BEST3: variants seen among roughly 807,000 people sequenced by gnomAD.
BEST3 encodes bestrophin 3, also known as bestrophin-3.
BEST3 carries 50 observed loss-of-function variants against 47.1 expected under a neutral mutation model. The ratio of observed to expected loss-of-function variants is 1.06; its 90% CI spans 0.85 to 1.34. BEST3 has a LOEUF of 1.34. Among genes scored for constraint, BEST3 ranks in the 40% most tolerant of loss-of-function variants. The pLI is 0.00. For missense variants in BEST3, 765 were observed against 817.0 expected (o/e 0.94, Z 0.78); for synonymous variants, 282 against 298.8 (o/e 0.94, Z 0.58).
chr12:69,654,734 G>A lies in BEST3; in HGVS notation c.*173C>T, dbSNP rs1000510682. The stretch of plus-strand genomic sequence containing the variant: ...ATGACGTGAATGCGTTTGATTTTTC[G>A]CAGCTCTCAAAAAGTCAGGATCATA... On this transcript the variant is annotated 3_prime_UTR_variant, in exon 10 of 10. Coordinates refer to ENST00000330891, the MANE Select transcript of BEST3 (RefSeq NM_032735.3). 3.4e-5 allele frequency: 45 copies of A among 1,341,664 alleles called. No individual in the cohort carries two copies. Among genetic ancestry groups the A allele is most frequent in the Non-Finnish European group, 4.0e-5 (42 of 1,047,334 alleles). The allele number at this position is 1,341,664 out of a possible 1,614,324, so 83.1% of individuals were successfully genotyped here. A position where few individuals can be genotyped will look rare whatever the true frequency, so the allele number is the denominator to read the frequency against.
At chr12:69,677,312 G>A in intron 5 of BEST3, 55 bp from the exon 6 acceptor site, 3 of 1,448,188 alleles carry the variant, frequency 2.1e-6, no homozygotes, top group Non-Finnish European at 2.9e-6. Flanking sequence ...GTGGTAATAA[G>A]TACTTACTGG....
chr12:69,683,150 A>G (rs968621445), intron 4 of BEST3: 4 of 152,248 alleles, frequency 2.6e-5, no homozygotes, highest in African/African-American at 9.6e-5. Context: ...TTCTAAGCAG[A>G]AAGCAAATAT....
Position 69,697,749 on chromosome 12 carries a change from A to C in BEST3, c.50T>G (p.Phe17Cys), listed in dbSNP as rs753214336. The C allele has an allele frequency of 6.2e-7, 1 of 1,613,220 alleles. No individual in the cohort carries two copies. Among genetic ancestry groups the C allele is most frequent in the East Asian group, 2.2e-5 (1 of 44,834 alleles). Reference protein sequence around the residue: ...SKVANATFFGFHRLLLKWRGS... With the variant: ...SKVANATFFGCHRLLLKWRGS... Reference sequence around the variant, plus strand: ...TCTCCACTTGAGGAGTAACCTATGAAATCCAAAAAAAGTTGCATTTGCTAC... The same window carrying C: ...TCTCCACTTGAGGAGTAACCTATGACATCCAAAAAAAGTTGCATTTGCTAC... Residue 17 changes from phenylalanine (F) to cysteine (C), a missense_variant, in exon 2 of 10, where the codon TTT becomes TGT. Phe to Cys is a radical substitution (Grantham distance 205). Coordinates refer to ENST00000330891, the MANE Select transcript of BEST3 (RefSeq NM_032735.3).
chr12:69,653,278 G>T (rs1883272636), downstream of BEST3, among the ~76,000 whole-genome samples: 1 of 152,206 alleles, frequency 6.6e-6, no homozygotes, highest in Admixed American at 6.5e-5. Flanking sequence ...ACCCAGAGAG[G>T]CCCTTGAGGC....
Position 69,663,018 on chromosome 12 carries a change from C to CCTAA in BEST3, c.1101-7206_1101-7205insTTAG, listed in dbSNP as rs772801146. Among the ~76,000 whole-genome samples, 116 of 152,276 alleles carry CCTAA rather than the reference C, an allele frequency of 7.6e-4. 1 individual carries two copies. The highest frequency in any genetic ancestry group is 1.8e-3 in the Admixed American group (28 of 15,284). ...GAATGGATAGTTTGTTAGGGTTTTTCCAAGGCCCTTAAGGGATTATCTTCT... is the reference window on the plus strand; with the variant it reads ...GAATGGATAGTTTGTTAGGGTTTTTCCTAACAAGGCCCTTAAGGGATTATCTTCT... On this transcript the variant is annotated intron_variant, in intron 9 of 9. Transcript: ENST00000330891.
At chr12:69,644,728 G>A (rs796538) in intron 9 of BEST3, among the ~76,000 whole-genome samples, 84,729 of 152,052 alleles carry the variant, frequency 0.56, 24,873 homozygotes, top group East Asian at 0.75. Flanking sequence ...TGTTAGGCAT[G>A]TAAGTACAGC....
At chr12:69,651,433 C>A (rs1565817742), downstream of BEST3, among the ~76,000 whole-genome samples, 1 of 152,146 alleles carries the variant, frequency 6.6e-6, no homozygotes, top group Non-Finnish European at 1.5e-5. Context: ...TCAGTAGATT[C>A]TCAGAGAGTA....
chr12:69,646,240 G>A (rs1406649417), intron 9 of BEST3, among the ~76,000 whole-genome samples: 1 of 152,120 alleles, frequency 6.6e-6, no homozygotes, highest in Non-Finnish European at 1.5e-5. Flanking sequence ...GCCTGGCCTT[G>A]AGAGGGATTT....
At chr12:69,676,785 G>T in intron 7 of BEST3, 131 bp downstream of exon 7, 1 of 990,120 alleles carries the variant, frequency 1.0e-6, no homozygotes, top group Non-Finnish European at 1.5e-6. Context: ...TAATAACATT[G>T]CTGAGCCATT....
chr12:69,692,175 AAACAAAAACAACAAC>A (rs771952704), intron 4 of BEST3, among the ~76,000 whole-genome samples: 8 of 152,346 alleles, frequency 5.3e-5, no homozygotes, highest in Admixed American at 1.3e-4. Context: ...TAAGAAGGCA[AAACAAAAACAACAAC>A]AACAAAAGAA....
chr12:69,691,165 G>A (rs531511942), intron 4 of BEST3, among the ~76,000 whole-genome samples: 49 of 152,314 alleles, frequency 3.2e-4, no homozygotes, highest in African/African-American at 1.2e-3. Context: ...TGTTGTTTGA[G>A]ATGTAATTTC....
At chr12:69,665,110 TA>T (rs1382699520) in intron 9 of BEST3, among the ~76,000 whole-genome samples, 10 of 124,832 alleles carry the variant, frequency 8.0e-5, no homozygotes, top group South Asian at 3.4e-4. Flanking sequence ...TGAAATTCAG[TA>T]AAAGGGATGC....
intron 9 of BEST3, among the ~76,000 whole-genome samples, chr12:69,664,698 AT>A (rs1884081237): frequency 6.8e-6 from 1 of 147,396 alleles, no homozygotes; most frequent in Non-Finnish European, 1.5e-5. Context: ...ATATTTATAT[AT>A]TATATAAATA....
At chr12:69,690,529 C>A (rs1043013650) in intron 4 of BEST3, among the ~76,000 whole-genome samples, 7 of 152,216 alleles carry the variant, frequency 4.6e-5, no homozygotes, top group African/African-American at 1.4e-4. Context: ...TGCCAGCCAA[C>A]CTGGCTTCTT....
rs531468857 is a variant in BEST3, at chr12:69,697,904, C to T, written c.-15-91G>A. ...GTCTGTATATCAAGGAAATTCAAGC[C>T]AGCAACTAGTCAGCCATATCTCTGT... On this transcript the variant is annotated intron_variant, in intron 1 of 9. Transcript: ENST00000330891. 5 of 1,002,442 alleles carry T rather than the reference C, an allele frequency of 5.0e-6. No individual in the cohort carries two copies. In the African/African-American group the frequency reaches 6.6e-5, roughly 13 times the overall value. The allele number at this position is 1,002,442 out of a possible 1,614,324, so 62.1% of individuals were successfully genotyped here.
chr12:69,656,583 A>G (rs1048256889), intron 9 of BEST3, among the ~76,000 whole-genome samples: 28 of 152,120 alleles, frequency 1.8e-4, no homozygotes, highest in African/African-American at 6.8e-4. Flanking sequence ...TGATTCATTT[A>G]GTTATCACAA....
chr12:69,644,861 A>AT (rs1259312835), intron 9 of BEST3, among the ~76,000 whole-genome samples: 1 of 152,170 alleles, frequency 6.6e-6, no homozygotes, highest in Non-Finnish European at 1.5e-5. Context: ...TTAAAATAGT[A>AT]TTTTTAGTAT....
intron 9 of BEST3, among the ~76,000 whole-genome samples, chr12:69,657,120 G>C (rs1045690416): frequency 5.3e-5 from 8 of 152,192 alleles, no homozygotes; most frequent in Non-Finnish European, 8.8e-5. Flanking sequence ...ATTTGAGACA[G>C]AGTCTTACTC....
At chr12:69,677,139 G>A in intron 6 of BEST3, 41 bp downstream of exon 6, 1 of 1,613,626 alleles carries the variant, frequency 6.2e-7, no homozygotes, top group Non-Finnish European at 8.5e-7. Flanking sequence ...TGCCAAGGTA[G>A]GCAAGTAGAA....
Sources: allele counts gnomAD v4.1 joint callset (sites outside exome capture counted in the v4.1 genomes callset), GRCh38; gene constraint gnomAD v4.1.1; transcripts MANE v1.5; gene names NCBI Gene and HGNC (gene_info 2026-07-23, HGNC 2026-07-21).